The following ZNF532 variants were observed in gnomAD, a reference collection of about 807,000 sequenced individuals.
ZNF532 encodes the protein zinc finger protein 532.
A neutral mutation model predicts 89.3 loss-of-function variants in ZNF532; 22 were observed. The observed-to-expected ratio is 0.25, with a 90% confidence interval of 0.18 to 0.35. The LOEUF is 0.35. ZNF532 is among the 10% of genes least tolerant of loss of function. The probability of loss-of-function intolerance (pLI) is 1.00; values close to 1 mark genes in which losing one functional copy is unlikely to be tolerated. For synonymous variants in ZNF532, 606 were observed against 649.6 expected (o/e 0.93, Z 1.02); for missense variants, 1,132 against 1,643.4 (o/e 0.69, Z 5.38).
At chr18:58,884,969 C>T (rs1448292320) in intron 2 of ZNF532, among the ~76,000 whole-genome samples, 1 of 149,756 alleles carries the variant, frequency 6.7e-6, no homozygotes, top group Non-Finnish European at 1.5e-5. Flanking sequence ...AGTAAGCTAC[C>T]AGTACAAGGG....
At chr18:58,885,053 A>G (rs1159700272) in intron 2 of ZNF532, among the ~76,000 whole-genome samples, 2 of 148,392 alleles carry the variant, frequency 1.3e-5, no homozygotes, top group Admixed American at 6.8e-5. Flanking sequence ...CAGTGGCATG[A>G]TCACGGCTCA....
chr18:58,980,535 A>C (rs2067634690), intron 8 of ZNF532: 1 of 152,228 alleles, frequency 6.6e-6, no homozygotes, highest in Non-Finnish European at 1.5e-5. Flanking sequence ...ATTCCTCCGA[A>C]GCTATTTTGA....
chr18:58,963,391 C>A (rs1439840566), intron 7 of ZNF532, among the ~76,000 whole-genome samples: 1 of 152,128 alleles, frequency 6.6e-6, no homozygotes. Context: ...AGGTGAAAGA[C>A]AGCAGTGGCA....
chr18:58,977,128 A>AGAAATTTTCTCCTTTGC (rs2067151622), intron 7 of ZNF532, among the ~76,000 whole-genome samples: 1 of 152,186 alleles, frequency 6.6e-6, no homozygotes, highest in African/African-American at 2.4e-5. Context: ...AACTTGGAGA[A>AGAAATTTTCTCCTTTGC]GAAATTTTCT....
At chr18:58,897,847 G>A (rs2059348137) in intron 2 of ZNF532, among the ~76,000 whole-genome samples, 1 of 152,172 alleles carries the variant, frequency 6.6e-6, no homozygotes. Context: ...CAGCTACTTA[G>A]GAGGCTGAGG....
intron 2 of ZNF532, among the ~76,000 whole-genome samples, chr18:58,892,346 G>A (rs1008710957): frequency 6.6e-6 from 1 of 152,228 alleles, no homozygotes; most frequent in African/African-American, 2.4e-5. Flanking sequence ...TGAAAACACT[G>A]TTGAATTGAC....
At chr18:58,956,336 A>G (rs917984529) in intron 7 of ZNF532, among the ~76,000 whole-genome samples, 20 of 152,340 alleles carry the variant, frequency 1.3e-4, no homozygotes, top group African/African-American at 2.4e-4. Flanking sequence ...AATGAGGCAC[A>G]TCGTATTAGA....
intron 2 of ZNF532, among the ~76,000 whole-genome samples, chr18:58,880,741 C>T (rs932239119): frequency 3.6e-5 from 4 of 110,936 alleles, no homozygotes; most frequent in East Asian, 2.1e-4. Context: ...TATATTTGAG[C>T]CCTCTCATAG....
At chr18:58,881,908 A>G (rs1198083920) in intron 2 of ZNF532, among the ~76,000 whole-genome samples, 4 of 152,152 alleles carry the variant, frequency 2.6e-5, no homozygotes, top group East Asian at 1.9e-4. Context: ...GCATTTTACA[A>G]TACAAATAGC....
chr18:58,925,178 G>A (rs150689407), intron 3 of ZNF532, among the ~76,000 whole-genome samples: 84 of 152,206 alleles, frequency 5.5e-4, no homozygotes, highest in Non-Finnish European at 8.1e-4. Context: ...GTATTTGCAC[G>A]TTTAGACTCT....
At chr18:58,916,382 C>T (rs2060601983) in intron 2 of ZNF532, among the ~76,000 whole-genome samples, 2 of 152,176 alleles carry the variant, frequency 1.3e-5, no homozygotes, top group Non-Finnish European at 2.9e-5. Flanking sequence ...CTGAATCTGA[C>T]TTCTCATAGA....
At position 58,888,775 on chromosome 18, in the gene ZNF532, A is replaced by ATATATATATAAAATTAATATATATAATT. The variant is rs1568246197; in HGVS notation, c.-18+23210_-18+23211insTAATATATATAATTTATATATATAAAAT. 4.5e-3 allele frequency among the ~76,000 whole-genome samples: 248 copies of ATATATATATAAAATTAATATATATAATT among 55,698 alleles called. 20 individuals are homozygous for ATATATATATAAAATTAATATATATAATT. Among genetic ancestry groups the ATATATATATAAAATTAATATATATAATT allele is most frequent in the African/African-American group, 0.018 (175 of 9,888 alleles). The allele number at this position is 55,698 out of a possible 152,430, so 36.5% of individuals were successfully genotyped here. On this transcript the variant is annotated intron_variant, in intron 2 of 9. Transcript: ENST00000591808. ...TATATAAAATTAATATATATAATTT[A>ATATATATATAAAATTAATATATATAATT]TATATATATAAAATATATATAATTT...
At chr18:58,923,815 G>T (rs949354462) in intron 3 of ZNF532, among the ~76,000 whole-genome samples, 2 of 151,928 alleles carry the variant, frequency 1.3e-5, no homozygotes, top group African/African-American at 4.8e-5. Flanking sequence ...TGAAGTACCG[G>T]CAACTGTGCC....
intron 3 of ZNF532, among the ~76,000 whole-genome samples, chr18:58,923,205 G>A (rs965520489): frequency 1.3e-5 from 2 of 151,982 alleles, no homozygotes; most frequent in Non-Finnish European, 2.9e-5. Flanking sequence ...GCTCACCAGC[G>A]AAGGGCGTTG....
intron 2 of ZNF532, among the ~76,000 whole-genome samples, chr18:58,869,828 G>A (rs1402594556): frequency 1.4e-5 from 2 of 147,862 alleles, no homozygotes; most frequent in East Asian, 4.0e-4. Context: ...GTTCAGTGGC[G>A]TGATCTCGGC....
Position 58,953,630 on chromosome 18 carries a change from C to T in ZNF532, c.2981C>T (p.Thr994Ile), listed in dbSNP as rs112165327. 5 of 1,613,884 alleles carry T rather than the reference C, an allele frequency of 3.1e-6. No individual in the cohort carries two copies. Among genetic ancestry groups the T allele is most frequent in the South Asian group, 1.1e-5 (1 of 91,072 alleles). The stretch of plus-strand genomic sequence containing the variant: ...TCAGCAAATCAGAACAAAGAGGACA[C>T]CAAATCCATGAATGGGAAAGAGAAA... ...QNSANQNKED[T>I]KSMNGKEKLE... Residue 994 changes from threonine to isoleucine, a missense_variant, in exon 7 of 10, where the codon ACC (threonine) becomes ATC (isoleucine). Coordinates refer to ENST00000591808, the MANE Select transcript of ZNF532 (RefSeq NM_001375912.1).
In ZNF532 at chr18:58,984,297, A is replaced by C. The variant is rs2068190226; in HGVS notation, c.3737A>C (p.Gln1246Pro). The change falls in exon 10 of 10, where the codon CAG (glutamine) becomes CCG (proline). Residue 1246 changes from glutamine (Q) to proline (P), a missense_variant. This residue lies in a region of ZNF532 where 415 missense variants were observed against 604.8 expected (regional missense o/e 0.69). Transcript: ENST00000591808. The part of the protein sequence containing the change: ...KQNGAGEDNQ[Q>P]ENKPSHEDES... Reference sequence around the variant, plus strand: ...AATGGGGCTGGGGAAGATAACCAACAGGAGAACAAACCCAGCCACGAGGAT... The same window carrying C: ...AATGGGGCTGGGGAAGATAACCAACCGGAGAACAAACCCAGCCACGAGGAT... The C allele has an allele frequency of 6.2e-7, 1 of 1,611,964 alleles. No individual in the cohort carries two copies. Among genetic ancestry groups the C allele is most frequent in the African/African-American group, 1.3e-5 (1 of 74,978 alleles).
intron 2 of ZNF532, among the ~76,000 whole-genome samples, chr18:58,878,261 C>CA (rs1179294311): frequency 1.6e-4 from 21 of 128,660 alleles, no homozygotes; most frequent in African/African-American, 3.2e-4. Context: ...TCTCAAAAAA[C>CA]AAAAAAAACA....
intron 2 of ZNF532, among the ~76,000 whole-genome samples, chr18:58,888,893 A>ATAT (rs2058678295): frequency 1.9e-5 from 1 of 52,460 alleles, no homozygotes. Context: ...TATATATTTT[A>ATAT]TATATATATA....
Sources: allele counts gnomAD v4.1 joint callset (sites outside exome capture counted in the v4.1 genomes callset), GRCh38; gene constraint gnomAD v4.1.1; regional missense constraint gnomAD v4.1.1; transcripts MANE v1.5; gene names NCBI Gene and HGNC (gene_info 2026-07-23, HGNC 2026-07-21).